The following ADAMTS18 variants were observed in gnomAD, a reference collection of about 807,000 sequenced individuals.
ADAMTS18 encodes the protein A disintegrin and metalloproteinase with thrombospondin motifs 18.
In ADAMTS18, 157 loss-of-function variants were observed where a neutral mutation model predicts 165.9. That is an observed-to-expected ratio of 0.95 (90% confidence interval 0.83 to 1.08). ADAMTS18 has a LOEUF of 1.08. ADAMTS18 is among the 50% of genes least tolerant of loss of function. ADAMTS18 has a pLI of 0.00. For synonymous variants in ADAMTS18, 782 were observed against 578.2 expected, an observed-to-expected ratio of 1.35 and a Z score of -5.06; for missense variants, 2,040 against 1,534.0, an observed-to-expected ratio of 1.33 and a Z score of -5.51.
At chr16:77,316,615 G>A (rs2055892020) in intron 16 of ADAMTS18, among the ~76,000 whole-genome samples, 1 of 152,074 alleles carries the variant, frequency 6.6e-6, no homozygotes, top group African/African-American at 2.4e-5. Context: ...CTACACTATA[G>A]CTAGATTCTC....
intron 4 of ADAMTS18, among the ~76,000 whole-genome samples, chr16:77,364,988 C>T (rs979245237): frequency 6.6e-5 from 10 of 152,048 alleles, no homozygotes; most frequent in African/African-American, 2.2e-4. Flanking sequence ...TGCTTGTAAT[C>T]CTAGCTACTT....
intron 8 of ADAMTS18, among the ~76,000 whole-genome samples, chr16:77,357,898 C>T (rs1202293537): frequency 6.6e-6 from 1 of 152,176 alleles, no homozygotes; most frequent in Non-Finnish European, 1.5e-5. Context: ...AGAATATGTT[C>T]TGCTTTTCCT....
intron 3 of ADAMTS18, among the ~76,000 whole-genome samples, chr16:77,372,695 C>G (rs910185835): frequency 1.3e-5 from 2 of 152,212 alleles, no homozygotes; most frequent in African/African-American, 4.8e-5. Flanking sequence ...TCAGATTTCA[C>G]AACCCGAGAA....
At chr16:77,286,846 G>A (rs943824746) in intron 22 of ADAMTS18, among the ~76,000 whole-genome samples, 2 of 152,156 alleles carry the variant, frequency 1.3e-5, no homozygotes, top group Non-Finnish European at 2.9e-5. Flanking sequence ...CTGCTTTAGG[G>A]CCTTCTCTCT....
chr16:77,395,813 T>C (rs1259653760), intron 3 of ADAMTS18, among the ~76,000 whole-genome samples: 1 of 152,134 alleles, frequency 6.6e-6, no homozygotes, highest in Non-Finnish European at 1.5e-5. Context: ...GAAATTTGAA[T>C]TGGAAAAGCC....
intron 12 of ADAMTS18, among the ~76,000 whole-genome samples, chr16:77,328,201 C>T (rs1434074439): frequency 1.3e-5 from 2 of 152,084 alleles, no homozygotes; most frequent in South Asian, 2.1e-4. Context: ...GGAAAAAGAG[C>T]ACCACCACAT....
intron 3 of ADAMTS18, among the ~76,000 whole-genome samples, chr16:77,421,550 C>T (rs766451798): frequency 2.6e-5 from 4 of 152,224 alleles, no homozygotes; most frequent in Non-Finnish European, 4.4e-5. Flanking sequence ...CATTTAGGGT[C>T]TTCTGGAGAG....
intron 3 of ADAMTS18, among the ~76,000 whole-genome samples, chr16:77,426,090 A>G (rs1306628711): frequency 1.3e-5 from 2 of 151,978 alleles, no homozygotes; most frequent in Non-Finnish European, 2.9e-5. Flanking sequence ...GAGTGGTCAA[A>G]TTAGTATGGA....
At chr16:77,383,848 C>G (rs1332917182) in intron 3 of ADAMTS18, among the ~76,000 whole-genome samples, 3 of 152,236 alleles carry the variant, frequency 2.0e-5, no homozygotes, top group Admixed American at 6.5e-5. Context: ...GCCCAAAAAG[C>G]TGACTGGGGA....
intron 3 of ADAMTS18, among the ~76,000 whole-genome samples, chr16:77,405,781 G>A (rs1445806580): frequency 6.6e-6 from 1 of 152,048 alleles, no homozygotes. Context: ...TCCTCACATG[G>A]TAGAGAAGGA....
chr16:77,302,033 G>A (rs1390157142), intron 16 of ADAMTS18, among the ~76,000 whole-genome samples: 2 of 125,924 alleles, frequency 1.6e-5, no homozygotes, highest in African/African-American at 3.2e-5. Flanking sequence ...TTTAACTTTC[G>A]CAGCTAAGTC....
intron 16 of ADAMTS18, among the ~76,000 whole-genome samples, chr16:77,308,333 T>C (rs1236679616): frequency 1.3e-5 from 2 of 152,222 alleles, no homozygotes; most frequent in African/African-American, 2.4e-5. Flanking sequence ...TACTTCATAA[T>C]GAAACACTCA....
At chr16:77,299,994 C>G (rs2055549378) in intron 17 of ADAMTS18, 1 of 304,548 alleles carries the variant, frequency 3.3e-6, no homozygotes, top group Non-Finnish European at 6.2e-6. Context: ...GTAAATAATT[C>G]AATATATTTT....
At chr16:77,364,915 G>C (rs958839090) in intron 4 of ADAMTS18, among the ~76,000 whole-genome samples, 5 of 151,984 alleles carry the variant, frequency 3.3e-5, no homozygotes, top group African/African-American at 1.2e-4. Flanking sequence ...ACACCAGCCT[G>C]GCCAACATGG....
At chr16:77,305,295 G>T (rs2055662043) in intron 16 of ADAMTS18, among the ~76,000 whole-genome samples, 1 of 151,928 alleles carries the variant, frequency 6.6e-6, no homozygotes, top group Non-Finnish European at 1.5e-5. Flanking sequence ...TTAAACCTTT[G>T]GAGATTATTG....
intron 11 of ADAMTS18, among the ~76,000 whole-genome samples, chr16:77,339,435 T>C (rs2056364762): frequency 6.6e-6 from 1 of 152,138 alleles, no homozygotes. Context: ...TTCTGTTTAC[T>C]GAAGCCTAAC....
At chr16:77,423,015 T>C (rs1275989727) in intron 3 of ADAMTS18, among the ~76,000 whole-genome samples, 1 of 152,214 alleles carries the variant, frequency 6.6e-6, no homozygotes, top group Non-Finnish European at 1.5e-5. Context: ...GTGAAGCTTT[T>C]CTTTCCTTTA....
At chr16:77,310,629 C>A (rs2055762937) in intron 16 of ADAMTS18, among the ~76,000 whole-genome samples, 2 of 141,480 alleles carry the variant, frequency 1.4e-5, no homozygotes, top group Admixed American at 7.2e-5. Context: ...TATGTCTTAA[C>A]CTTTTTTTCT....
chr16:77,404,909 C>T (rs1289883053), intron 3 of ADAMTS18, among the ~76,000 whole-genome samples: 1 of 152,160 alleles, frequency 6.6e-6, no homozygotes, highest in Non-Finnish European at 1.5e-5. Flanking sequence ...ATCCTTAACA[C>T]AGTCTGGGAG....
Sources: allele counts gnomAD v4.1 joint callset (sites outside exome capture counted in the v4.1 genomes callset), GRCh38; gene constraint gnomAD v4.1.1; transcripts MANE v1.5; gene names NCBI Gene and HGNC (gene_info 2026-07-23, HGNC 2026-07-21).